The following ST18 variants were observed in gnomAD, a reference collection of about 807,000 sequenced individuals.
ST18 encodes ST18 C2H2C-type zinc finger transcription factor.
In ST18, 50 loss-of-function variants were observed where a neutral mutation model predicts 110.0. The ratio of observed to expected loss-of-function variants is 0.45; its 90% CI spans 0.36 to 0.58. The LOEUF (loss-of-function observed/expected upper bound fraction) is 0.58, where lower values mean the gene tolerates loss of function less well. ST18 is among the 20% of genes least tolerant of loss of function. The pLI is 0.00. For missense variants in ST18, 1,306 were observed against 1,280.1 expected (o/e 1.02, Z -0.31); for synonymous variants, 461 against 452.4 (o/e 1.02, Z -0.24).
At chr8:52,240,841 A>G (rs2093332716) in intron 2 of ST18, among the ~76,000 whole-genome samples, 1 of 152,042 alleles carries the variant, frequency 6.6e-6, no homozygotes, top group Non-Finnish European at 1.5e-5. Flanking sequence ...TCTCTGGTTT[A>G]TGTCTCACTC....
chr8:52,370,361 T>TGTGTGTGTGTGCATGCATGCATGTGTGC (rs1253959387), intron 2 of ST18, among the ~76,000 whole-genome samples: 30 of 150,006 alleles, frequency 2.0e-4, no homozygotes, highest in African/African-American at 7.1e-4. Flanking sequence ...CATGTGTGCA[T>TGTGTGTGTGTGCATGCATGCATGTGTGC]GTGTGTGTGT....
At chr8:52,126,240 G>T in intron 22 of ST18, 100 bp from the exon 23 acceptor site, 2 of 1,147,524 alleles carry the variant, frequency 1.7e-6, no homozygotes, top group Non-Finnish European at 2.5e-6. Flanking sequence ...TTTTGCTGCC[G>T]ATTAATTACA....
At chr8:52,162,002 G>A (rs1313200689) in intron 13 of ST18, among the ~76,000 whole-genome samples, 2 of 152,154 alleles carry the variant, frequency 1.3e-5, no homozygotes, top group Non-Finnish European at 2.9e-5. Flanking sequence ...CTGAGCTCAG[G>A]AGTTCGAGAC....
At chr8:52,214,671 T>C (rs545117599) in intron 6 of ST18, among the ~76,000 whole-genome samples, 1 of 152,270 alleles carries the variant, frequency 6.6e-6, no homozygotes, top group East Asian at 1.9e-4. Context: ...GATACATATC[T>C]CTTTCTAAGC....
At chr8:52,315,570 T>C (rs1019938326) in intron 2 of ST18, among the ~76,000 whole-genome samples, 12 of 152,238 alleles carry the variant, frequency 7.9e-5, no homozygotes, top group Non-Finnish European at 1.8e-4. Flanking sequence ...CTTACTATTA[T>C]TGTATTTTCA....
intron 2 of ST18, among the ~76,000 whole-genome samples, chr8:52,396,623 TC>T (rs1841223482): frequency 6.6e-6 from 1 of 152,006 alleles, no homozygotes; most frequent in Non-Finnish European, 1.5e-5. Context: ...AGCAAACACA[TC>T]CTTTTTCACA....
At chr8:52,205,371 G>A (rs62501018) in intron 8 of ST18, among the ~76,000 whole-genome samples, 23,888 of 151,658 alleles carry the variant, frequency 0.16, 1,982 homozygotes, top group Middle Eastern at 0.26. Context: ...TCAGCCTTGG[G>A]AATACAAGGC....
chr8:52,124,005 G>A (rs747671397), intron 23 of ST18, among the ~76,000 whole-genome samples: 8 of 152,164 alleles, frequency 5.3e-5, no homozygotes, highest in Admixed American at 2.0e-4. Context: ...TTACTACCAC[G>A]TGATTCACAC....
intron 8 of ST18, 118 bp from the exon 9 acceptor site, chr8:52,180,430 T>G (rs556155813): frequency 1.8e-6 from 2 of 1,109,660 alleles, no homozygotes; most frequent in Non-Finnish European, 2.6e-6. Context: ...AGGTTTAGGG[T>G]TGGTTACTGG....
chr8:52,245,453 T>C (rs187486700), intron 2 of ST18, among the ~76,000 whole-genome samples: 2 of 152,248 alleles, frequency 1.3e-5, no homozygotes, highest in Admixed American at 1.3e-4. Context: ...AAAAAGGATG[T>C]GGTGAGGTTT....
intron 2 of ST18, among the ~76,000 whole-genome samples, chr8:52,345,572 C>T (rs890251439): frequency 3.3e-5 from 5 of 152,218 alleles, no homozygotes; most frequent in Non-Finnish European, 5.9e-5. Flanking sequence ...AGAAGTAAAC[C>T]TGCAGCCGTC....
chr8:52,271,194 T>C (rs1188864587), intron 2 of ST18, among the ~76,000 whole-genome samples: 3 of 152,202 alleles, frequency 2.0e-5, no homozygotes, highest in African/African-American at 7.2e-5. Context: ...TCTTTCCTTA[T>C]TTATAATTAT....
intron 25 of ST18, 26 bp downstream of exon 25, chr8:52,116,249 T>C (rs778082620): frequency 1.9e-6 from 3 of 1,605,744 alleles, no homozygotes; most frequent in Non-Finnish European, 1.7e-6. Context: ...TGTAATGGAA[T>C]GGCAAGGTTC....
intron 8 of ST18, among the ~76,000 whole-genome samples, chr8:52,192,975 A>T (rs1054027951): frequency 2.6e-5 from 4 of 152,136 alleles, no homozygotes; most frequent in African/African-American, 9.7e-5. Context: ...GGCTTATTAC[A>T]TATTGGGACA....
At chr8:52,350,226 T>G (rs1819670147) in intron 2 of ST18, among the ~76,000 whole-genome samples, 3 of 152,184 alleles carry the variant, frequency 2.0e-5, no homozygotes, top group African/African-American at 7.2e-5. Flanking sequence ...AATAACTCCT[T>G]GCATTAGAAG....
In ST18 at chr8:52,241,363, A is replaced by G. The variant is rs147156179; in HGVS notation, c.-464-11286T>C. On this transcript the variant is annotated intron_variant, in intron 2 of 25. Coordinates refer to ENST00000689386, the MANE Select transcript of ST18 (RefSeq NM_001352837.2). Reference sequence around the variant, plus strand: ...TGGTCATTCTATTCTTTAAGCCAGAACTTTATTTTTTAGAGGAAAAATAGA... The same window carrying G: ...TGGTCATTCTATTCTTTAAGCCAGAGCTTTATTTTTTAGAGGAAAAATAGA... 5.3e-5 allele frequency among the ~76,000 whole-genome samples: 8 copies of G among 152,304 alleles called. No individual in the cohort carries two copies. In the East Asian group the frequency reaches 1.5e-3, roughly 29 times the overall value.
At chr8:52,226,480 G>A (rs898280445) in intron 3 of ST18, among the ~76,000 whole-genome samples, 2 of 152,118 alleles carry the variant, frequency 1.3e-5, no homozygotes, top group Non-Finnish European at 2.9e-5. Context: ...AGATTTTAGT[G>A]GGAAAACTTT....
At chr8:52,309,224 A>C (rs1370182748) in intron 2 of ST18, among the ~76,000 whole-genome samples, 1 of 152,194 alleles carries the variant, frequency 6.6e-6, no homozygotes, top group African/African-American at 2.4e-5. Flanking sequence ...ATGATGCTAG[A>C]AATCAAGCGG....
intron 2 of ST18, among the ~76,000 whole-genome samples, chr8:52,372,824 A>T (rs1830734936): frequency 6.6e-6 from 1 of 152,198 alleles, no homozygotes; most frequent in African/African-American, 2.4e-5. Flanking sequence ...CTCAAATCGT[A>T]TCCCCATTGT....
Sources: allele counts gnomAD v4.1 joint callset (sites outside exome capture counted in the v4.1 genomes callset), GRCh38; gene constraint gnomAD v4.1.1; transcripts MANE v1.5; gene names NCBI Gene and HGNC (gene_info 2026-07-23, HGNC 2026-07-21).